Variants in TMIE observed in about 807,000 individuals in gnomAD.
TMIE encodes the protein transmembrane inner ear, also known as transmembrane inner ear expressed protein.
TMIE carries 14 observed loss-of-function variants against 16.8 expected under a neutral mutation model. The observed-to-expected ratio is 0.83, with a 90% confidence interval of 0.55 to 1.30. The LOEUF is 1.30. Ranked by LOEUF, TMIE falls within the 50% of genes most tolerant of loss-of-function variation. The probability of loss-of-function intolerance (pLI) is 0.00; values close to 1 mark genes in which losing one functional copy is unlikely to be tolerated. For synonymous variants in TMIE, 75 were observed against 87.2 expected (o/e 0.86, Z 0.78); for missense variants, 204 against 205.9 (o/e 0.99, Z 0.06).
chr3:46,697,623 C>T (rs1167922721), upstream of TMIE, among the ~76,000 whole-genome samples: 1 of 152,096 alleles, frequency 6.6e-6, no homozygotes, highest in Non-Finnish European at 1.5e-5. Flanking sequence ...CAAATTAAGC[C>T]CAAAGAGGAG....
At chr3:46,707,510 G>A (rs775719142) in intron 2 of TMIE, among the ~76,000 whole-genome samples, 1 of 152,180 alleles carries the variant, frequency 6.6e-6, no homozygotes, top group Non-Finnish European at 1.5e-5. Flanking sequence ...TTCCCAGTCT[G>A]CCTGGGCTGT....
chr3:46,708,768 T>A (rs565829721), intron 2 of TMIE, among the ~76,000 whole-genome samples: 42 of 152,274 alleles, frequency 2.8e-4, no homozygotes, highest in African/African-American at 9.9e-4. Flanking sequence ...GGGTTGGAAG[T>A]GCTGGATGGC....
At chr3:46,698,119 T>C (rs1339711016), upstream of TMIE, among the ~76,000 whole-genome samples, 5 of 152,028 alleles carry the variant, frequency 3.3e-5, no homozygotes, top group Non-Finnish European at 7.4e-5. Flanking sequence ...AGTGGCGCCA[T>C]CTCAGCTCAC....
In TMIE at chr3:46,701,670, G is replaced by C. The variant is rs1348671801; in HGVS notation, c.93+90G>C. On this transcript the variant is annotated intron_variant, in intron 1 of 3. Transcript: ENST00000643606. The surrounding 1 kb of genome is among the most constrained non-coding windows in gnomAD (Gnocchi z 4.3). Reference sequence around the variant, plus strand: ...GGGACGCCTTTTTGATCCGGAGCTTGTTTGATCCCTTACTCTTGCCCTGAG... The same window carrying C: ...GGGACGCCTTTTTGATCCGGAGCTTCTTTGATCCCTTACTCTTGCCCTGAG... The C allele has an allele frequency of 9.5e-7, 1 of 1,050,396 alleles. No homozygotes were observed. Among genetic ancestry groups the C allele is most frequent in the African/African-American group, 1.7e-5 (1 of 60,400 alleles). 65.1% of individuals were successfully genotyped at this position (1,050,396 alleles called of 1,614,324 possible).
At chr3:46,704,155 G>A (rs1371244429) in intron 1 of TMIE, among the ~76,000 whole-genome samples, 1 of 151,558 alleles carries the variant, frequency 6.6e-6, no homozygotes, top group Non-Finnish European at 1.5e-5. Flanking sequence ...GCAGGACCGT[G>A]TCCCCTAGAC....
intron 1 of TMIE, among the ~76,000 whole-genome samples, chr3:46,702,482 C>G (rs565522631): frequency 6.6e-6 from 1 of 152,238 alleles, no homozygotes; most frequent in South Asian, 2.1e-4. Context: ...GCTGGCAGAC[C>G]AGACCTAGAG....
chr3:46,699,619 G>T (rs1032821402), upstream of TMIE, among the ~76,000 whole-genome samples: 3 of 152,220 alleles, frequency 2.0e-5, no homozygotes, highest in African/African-American at 7.2e-5. Context: ...TCAGGAGTCT[G>T]CAGAGAAGTG....
At position 46,710,142 on chromosome 3, in the gene TMIE, G is replaced by A; in HGVS notation, c.*454G>A. On this transcript the variant is annotated 3_prime_UTR_variant, in exon 4 of 4. Coordinates refer to ENST00000643606, the MANE Select transcript of TMIE (RefSeq NM_147196.3). Reference sequence around the variant, plus strand: ...AGAGTAGCCATGAGGAGGCAGAGAGGGTCACTGGGGGACACTGTGGCAGCA... The same window carrying A: ...AGAGTAGCCATGAGGAGGCAGAGAGAGTCACTGGGGGACACTGTGGCAGCA... 1 of 260,686 alleles carries A rather than the reference G, an allele frequency of 3.8e-6. No individual in the cohort carries two copies. The highest frequency in any genetic ancestry group is 7.6e-6 in the Non-Finnish European group (1 of 131,890). The allele number at this position is 260,686 out of a possible 1,614,324, so 16.1% of individuals were successfully genotyped here.
rs577029568 is a variant in TMIE, at chr3:46,709,941, G to A, written c.*253G>A. ...GTACTGTCTCGGCAGAGGTGGTCTG[G>A]TGCCACCGTCCCTCTGCAGATACAC... On this transcript the variant is annotated 3_prime_UTR_variant, in exon 4 of 4. Coordinates refer to ENST00000643606, the MANE Select transcript of TMIE (RefSeq NM_147196.3). The A allele has an allele frequency of 9.0e-4, 549 of 610,656 alleles. 4 individuals carry two copies. In the Middle Eastern group the frequency reaches 0.01, roughly 11 times the overall value. 37.8% of individuals were successfully genotyped at this position (610,656 alleles called of 1,614,324 possible). A position where few individuals can be genotyped will look rare whatever the true frequency, so the allele number is the denominator to read the frequency against.
At chr3:46,704,654 A>G (rs1021352740) in intron 1 of TMIE, among the ~76,000 whole-genome samples, 1 of 143,852 alleles carries the variant, frequency 7.0e-6, no homozygotes. Context: ...TCCCCTAGAC[A>G]CCCAGGGCCA....
chr3:46,699,411 G>A (rs1435108379), upstream of TMIE, among the ~76,000 whole-genome samples: 1 of 152,138 alleles, frequency 6.6e-6, no homozygotes, highest in Non-Finnish European at 1.5e-5. Context: ...ATACTTCTGA[G>A]GTTATTAAAG....
At chr3:46,708,139 T>C (rs1243407412) in intron 2 of TMIE, among the ~76,000 whole-genome samples, 2 of 152,186 alleles carry the variant, frequency 1.3e-5, no homozygotes, top group Non-Finnish European at 1.5e-5. Flanking sequence ...CATTCATTCA[T>C]TGATTTTTTT....
chr3:46,709,328 C>T (rs1434984054), intron 3 of TMIE, 53 bp downstream of exon 3: 1 of 1,612,506 alleles, frequency 6.2e-7, no homozygotes. Context: ...CTCAGTCCTG[C>T]TGCCTGGAGT....
chr3:46,709,457 C>T, intron 3 of TMIE, 122 bp from the exon 4 acceptor site: 1 of 1,607,018 alleles, frequency 6.2e-7, no homozygotes, highest in Non-Finnish European at 8.5e-7. Context: ...GCCTATTCTC[C>T]AGTAGGAAGA....
chr3:46,709,396 CT>C, intron 3 of TMIE, 121 bp downstream of exon 3: 2 of 1,597,024 alleles, frequency 1.3e-6, no homozygotes, highest in Non-Finnish European at 1.7e-6. Flanking sequence ...AGCCCTGCCC[CT>C]GGAGACCAGA....
At chr3:46,701,330 G>A (rs1057247922), upstream of TMIE, 77 of 541,386 alleles carry the variant, frequency 1.4e-4, no homozygotes, top group South Asian at 5.4e-4. This position sits in a 1 kb window ranked among gnomAD's most constrained non-coding sequence, Gnocchi z 4.3. Flanking sequence ...GATGGCGGGG[G>A]CGGGCGGCGC....
intron 1 of TMIE, among the ~76,000 whole-genome samples, chr3:46,702,310 C>T (rs1414318728): frequency 6.6e-6 from 1 of 152,088 alleles, no homozygotes; most frequent in Non-Finnish European, 1.5e-5. Context: ...GGAGCAGGCA[C>T]ACAGTGGGAG....
chr3:46,701,553 C>T lies in TMIE; in HGVS notation c.66C>T (p.Leu22=). The change falls in exon 1 of 4, where the codon CTC becomes CTT. Residue 22 remains leucine (L), a synonymous_variant. Coordinates refer to ENST00000643606, the MANE Select transcript of TMIE (RefSeq NM_147196.3). The surrounding 1 kb of genome is among the most constrained non-coding windows in gnomAD (Gnocchi z 4.3). ...VLGGAALGVC[L]AGVAGQLVEP... ...GCGGCGCCGCACTCGGGGTGTGCCTCGCGGGGGTTGCCGGGCAGCTGGTGG... is the reference window on the plus strand; with the variant it reads ...GCGGCGCCGCACTCGGGGTGTGCCTTGCGGGGGTTGCCGGGCAGCTGGTGG... 7.8e-7 allele frequency: 1 copy of T among 1,286,296 alleles called. No homozygotes were observed. Among genetic ancestry groups the T allele is most frequent in the African/African-American group, 1.5e-5 (1 of 64,774 alleles). The allele number at this position is 1,286,296 out of a possible 1,614,324, so 79.7% of individuals were successfully genotyped here. A position where few individuals can be genotyped will look rare whatever the true frequency, so the allele number is the denominator to read the frequency against.
chr3:46,694,606 AC>A (rs1700356803), exon 1 of TMIE: 1 of 151,820 alleles, frequency 6.6e-6, no homozygotes. Flanking sequence ...GGCTGAAGAG[AC>A]CCCCAGTGGA....
Sources: allele counts gnomAD v4.1 joint callset (sites outside exome capture counted in the v4.1 genomes callset), GRCh38; gene constraint gnomAD v4.1.1; non-coding constraint Gnocchi (gnomAD v3.1); transcripts MANE v1.5; gene names NCBI Gene and HGNC (gene_info 2026-07-23, HGNC 2026-07-21).